Variants in CDKL3 observed in about 807,000 individuals in gnomAD.
CDKL3 encodes cyclin-dependent kinase-like 3.
In CDKL3, 65 loss-of-function variants were observed where a neutral mutation model predicts 69.3. That is an observed-to-expected ratio of 0.94 (90% CI 0.77 to 1.15). The LOEUF (loss-of-function observed/expected upper bound fraction) is 1.15, where lower values mean the gene tolerates loss of function less well. Ranked by LOEUF, CDKL3 falls within the 50% of genes most tolerant of loss-of-function variation. CDKL3 has a pLI of 0.00. For missense variants in CDKL3, 652 were observed against 689.2 expected (o/e 0.95, Z 0.61); for synonymous variants, 202 against 221.6 (o/e 0.91, Z 0.79).
intron 12 of CDKL3, chr5:134,302,065 A>C (rs543190252): frequency 1.7e-4 from 76 of 449,188 alleles, no homozygotes; most frequent in African/African-American, 1.5e-3. Flanking sequence ...TGGATATTAC[A>C]GGCTTCAAGA....
chr5:134,298,942 C>T (rs1393577357), intron 12 of CDKL3, among the ~76,000 whole-genome samples: 2 of 152,046 alleles, frequency 1.3e-5, no homozygotes, highest in East Asian at 1.9e-4. Flanking sequence ...GGCGTGATCT[C>T]GGCTCACTAC....
chr5:134,331,088 C>T (rs1466049910), intron 4 of CDKL3, among the ~76,000 whole-genome samples: 2 of 152,156 alleles, frequency 1.3e-5, no homozygotes, highest in Non-Finnish European at 2.9e-5. Flanking sequence ...AAAGTTTGCT[C>T]AATTTTAATT....
At chr5:134,303,821 C>T (rs1334179474) in intron 11 of CDKL3, among the ~76,000 whole-genome samples, 2 of 151,790 alleles carry the variant, frequency 1.3e-5, no homozygotes, top group Admixed American at 1.3e-4. Flanking sequence ...TGCACTCCAG[C>T]CTGGGCAGCA....
intron 4 of CDKL3, among the ~76,000 whole-genome samples, chr5:134,339,152 ACT>A (rs374022770): frequency 6.6e-6 from 1 of 152,128 alleles, no homozygotes; most frequent in African/African-American, 2.4e-5. Flanking sequence ...ACAGAGTGAG[ACT>A]CTGTCTCACA....
intron 3 of CDKL3, among the ~76,000 whole-genome samples, chr5:134,355,345 C>A (rs1464927545): frequency 1.3e-5 from 2 of 150,506 alleles, no homozygotes; most frequent in Admixed American, 6.6e-5. Flanking sequence ...TAAAATAACA[C>A]AAGTGCTACA....
intron 12 of CDKL3, chr5:134,299,703 T>C (rs1326998383): frequency 6.5e-7 from 1 of 1,534,616 alleles, no homozygotes; most frequent in African/African-American, 1.4e-5. Context: ...TTTTCTACTC[T>C]ACATCTGGCA....
chr5:134,298,725 CA>C lies in CDKL3; in HGVS notation c.1720-16del, dbSNP rs778706025. 2 of 1,609,768 alleles carry C rather than the reference CA, an allele frequency of 1.2e-6. No individual in the cohort carries two copies. Among genetic ancestry groups the C allele is most frequent in the Non-Finnish European group, 1.7e-6 (2 of 1,178,202 alleles). On this transcript the variant is annotated splice_polypyrimidine_tract_variant and intron_variant, in intron 12 of 12. Coordinates refer to ENST00000265334, the MANE Select transcript of CDKL3 (RefSeq NM_001113575.2). ...CCATCTCCACCCTAAAATTAGAAAC[CA>C]AGCTAGTAAGAATCAGGGACTGGAA...
chr5:134,307,176 T>A (rs910864307), intron 9 of CDKL3, among the ~76,000 whole-genome samples: 2 of 151,950 alleles, frequency 1.3e-5, no homozygotes, highest in Non-Finnish European at 2.9e-5. Flanking sequence ...AGGAGAGAGG[T>A]GGTAACAGGG....
At chr5:134,292,938 A>T (rs1311240059) in intron 8 of CDKL3, among the ~76,000 whole-genome samples, 1 of 151,096 alleles carries the variant, frequency 6.6e-6, no homozygotes, top group African/African-American at 2.4e-5. Context: ...AAGGAAATTA[A>T]ATTTGTATAT....
At chr5:134,332,517 A>C (rs200925944) in intron 4 of CDKL3, among the ~76,000 whole-genome samples, 8 of 152,082 alleles carry the variant, frequency 5.3e-5, no homozygotes, top group Non-Finnish European at 7.4e-5. Flanking sequence ...CATGTGGCTA[A>C]CCAGTTTTCC....
At chr5:134,358,191 G>C (rs767357094) in intron 3 of CDKL3, among the ~76,000 whole-genome samples, 24 of 152,194 alleles carry the variant, frequency 1.6e-4, no homozygotes, top group Non-Finnish European at 2.4e-4. Context: ...TCTCTCCCCT[G>C]TGAACCTGTG....
downstream of CDKL3, chr5:134,298,258 T>G (rs1303016635): frequency 2.2e-5 from 22 of 985,264 alleles, no homozygotes; most frequent in Non-Finnish European, 2.4e-5. Context: ...AAACAACGGC[T>G]CAAATATTTT....
At chr5:134,315,562 G>T (rs1022068053) in intron 6 of CDKL3, among the ~76,000 whole-genome samples, 5 of 151,964 alleles carry the variant, frequency 3.3e-5, no homozygotes, top group Non-Finnish European at 1.5e-5. Flanking sequence ...TGGAACACGT[G>T]GCCTCAAGCC....
chr5:134,299,298 C>T (rs563697084), intron 12 of CDKL3: 53 of 191,658 alleles, frequency 2.8e-4, no homozygotes, highest in African/African-American at 7.8e-4. Flanking sequence ...TTTGGTGTTC[C>T]CAGACATCAG....
At chr5:134,333,583 GTCATTGGT>G (rs1236049449) in intron 4 of CDKL3, among the ~76,000 whole-genome samples, 1 of 152,158 alleles carries the variant, frequency 6.6e-6, no homozygotes, top group African/African-American at 2.4e-5. Context: ...TGTGGTTTTT[GTCATTGGT>G]TCTGTTTATG....
intron 4 of CDKL3, among the ~76,000 whole-genome samples, chr5:134,327,207 G>A (rs1774621523): frequency 6.6e-6 from 1 of 151,970 alleles, no homozygotes; most frequent in Non-Finnish European, 1.5e-5. Context: ...ATGGAACAAT[G>A]GTTCTACCTT....
At chr5:134,299,699 A>G (rs1184054127) in intron 12 of CDKL3, 1 of 1,534,244 alleles carries the variant, frequency 6.5e-7, no homozygotes, top group Non-Finnish European at 8.7e-7. Context: ...TGCATTTTCT[A>G]CTCTACATCT....
intron 4 of CDKL3, among the ~76,000 whole-genome samples, chr5:134,343,766 C>G (rs1286237687): frequency 6.6e-6 from 1 of 152,154 alleles, no homozygotes; most frequent in Non-Finnish European, 1.5e-5. Flanking sequence ...GATTTCAAAC[C>G]TGATCAATCA....
intron 4 of CDKL3, among the ~76,000 whole-genome samples, chr5:134,339,421 C>CA (rs34613443): frequency 2.2e-4 from 33 of 151,666 alleles, no homozygotes; most frequent in African/African-American, 7.7e-4. Context: ...AGACTTTTAA[C>CA]AAAAAAATGT....
Sources: allele counts gnomAD v4.1 joint callset (sites outside exome capture counted in the v4.1 genomes callset), GRCh38; gene constraint gnomAD v4.1.1; transcripts MANE v1.5; gene names NCBI Gene and HGNC (gene_info 2026-07-23, HGNC 2026-07-21).